Variants in TPPP observed in about 807,000 individuals in gnomAD.
TPPP encodes tubulin polymerization promoting protein, also known as tubulin polymerization-promoting protein.
In TPPP, 6 loss-of-function variants were observed where a neutral mutation model predicts 15.5. The observed-to-expected ratio is 0.39, with a 90% CI of 0.21 to 0.77. TPPP has a LOEUF of 0.77. Among genes scored for constraint, TPPP ranks in the 30% least tolerant of loss-of-function variants. The pLI is 0.42. For synonymous variants in TPPP, 146 were observed against 133.9 expected (o/e 1.09, Z -0.63); for missense variants, 269 against 307.2 (o/e 0.88, Z 0.93).
intron 2 of TPPP, among the ~76,000 whole-genome samples, chr5:669,777 G>A (rs572511592): frequency 1.3e-4 from 20 of 152,186 alleles, no homozygotes; most frequent in Middle Eastern, 3.4e-3. Context: ...CCACACGGGC[G>A]GGGAGCTCTC....
chr5:682,758 G>A (rs1337455935), intron 1 of TPPP, among the ~76,000 whole-genome samples: 1 of 152,204 alleles, frequency 6.6e-6, no homozygotes. Context: ...CCCACGCGGG[G>A]GTGGCGCCGA....
In TPPP at chr5:684,072, C is replaced by T. The variant is rs372920807; in HGVS notation, c.-4-6008G>A. On this transcript the variant is annotated intron_variant, in intron 1 of 3. Transcript: ENST00000360578. ...AAACCCCAGGGCCAGACCCCACTGC[C>T]GGAACAGGACCCTCTCGTGCCTGCA... Among the ~76,000 whole-genome samples the T allele has an allele frequency of 1.0e-3, 157 of 151,462 alleles. 1 individual carries two copies. The highest frequency in any genetic ancestry group is 1.5e-3 in the Non-Finnish European group (100 of 67,900).
intron 1 of TPPP, among the ~76,000 whole-genome samples, chr5:679,428 C>G (rs370748673): frequency 9.3e-6 from 1 of 107,636 alleles, no homozygotes. Flanking sequence ...GAAGGGCCGC[C>G]TGGGGGCAGG....
intron 2 of TPPP, among the ~76,000 whole-genome samples, chr5:671,488 A>G (rs1048331324): frequency 3.9e-5 from 6 of 152,232 alleles, no homozygotes; most frequent in Non-Finnish European, 5.9e-5. Flanking sequence ...TCACCTTCTC[A>G]AATGACCTGT....
Position 679,120 on chromosome 5 carries a change from C to A in TPPP, c.-4-1056G>T, listed in dbSNP as rs576544866. On this transcript the variant is annotated intron_variant, in intron 1 of 3. Coordinates refer to ENST00000360578, the MANE Select transcript of TPPP (RefSeq NM_007030.3). ...ACAGGTAGGTGTCCCAACCCTGGGA[C>A]TCACGAAGCCCTCTCAGATCTGGAG... Among the ~76,000 whole-genome samples the A allele has an allele frequency of 4.6e-5, 7 of 152,344 alleles. No homozygotes were observed. The South Asian group carries it at 1.4e-3, about 32-fold the overall frequency.
At chr5:674,768 G>A (rs188912952) in intron 2 of TPPP, among the ~76,000 whole-genome samples, 85 of 152,004 alleles carry the variant, frequency 5.6e-4, no homozygotes, top group Admixed American at 2.2e-3. Context: ...CCAGGCAGAG[G>A]CTGCAGGTTT....
Position 671,299 on chromosome 5 carries a change from A to G in TPPP, c.312-5176T>C, listed in dbSNP as rs1740214978. On this transcript the variant is annotated intron_variant, in intron 2 of 3. Transcript: ENST00000360578. ...CACCGCCCTGTGGACATCACTAGGAAGAGGTGGCCCTTGGTGGGACGTGGA... is the reference window on the plus strand; with the variant it reads ...CACCGCCCTGTGGACATCACTAGGAGGAGGTGGCCCTTGGTGGGACGTGGA... 2.6e-5 allele frequency among the ~76,000 whole-genome samples: 4 copies of G among 152,220 alleles called. No homozygotes were observed. The South Asian group carries it at 8.3e-4, about 32-fold the overall frequency.
chr5:691,918 GC>G lies in TPPP; in HGVS notation c.-5+1359del, dbSNP rs1187395713. Among the ~76,000 whole-genome samples the G allele has an allele frequency of 4.1e-3, 259 of 63,568 alleles. 5 individuals are homozygous for G. The highest frequency in any genetic ancestry group is 0.029 in the Middle Eastern group (1 of 34). 41.7% of individuals were successfully genotyped at this position (63,568 alleles called of 152,430 possible). A position where few individuals can be genotyped will look rare whatever the true frequency, so the allele number is the denominator to read the frequency against. On this transcript the variant is annotated intron_variant, in intron 1 of 3. Transcript: ENST00000360578. ...CCCCCAAACCCCCATCAAGACAACA[GC>G]CCCCCCAACCCGTATCAAAACAGCA...
chr5:669,780 GAGCTCTCCC>G (rs1306565276), intron 2 of TPPP, among the ~76,000 whole-genome samples: 1 of 152,052 alleles, frequency 6.6e-6, no homozygotes, highest in African/African-American at 2.4e-5. Flanking sequence ...CACGGGCGGG[GAGCTCTCCC>G]CAGGAGACCC....
intron 2 of TPPP, among the ~76,000 whole-genome samples, chr5:674,608 C>T (rs1289204290): frequency 6.6e-6 from 1 of 152,130 alleles, no homozygotes; most frequent in Non-Finnish European, 1.5e-5. Flanking sequence ...TCACTGCTGC[C>T]TGCCCATGGC....
intron 2 of TPPP, among the ~76,000 whole-genome samples, chr5:668,376 G>A (rs186852325): frequency 5.8e-5 from 6 of 103,876 alleles, no homozygotes; most frequent in Admixed American, 9.0e-5. Context: ...AGAGGGGTCC[G>A]CGTGGGCCTC....
chr5:677,968 C>T lies in TPPP; in HGVS notation c.93G>A (p.Leu31=). 6.2e-7 allele frequency: 1 copy of T among 1,611,040 alleles called. No homozygotes were observed. Among genetic ancestry groups the T allele is most frequent in the African/African-American group, 1.3e-5 (1 of 75,000 alleles). The stretch of plus-strand genomic sequence containing the variant: ...CACCAGCACCCTCCGATTCCAGCGA[C>T]AGCCTCTTGGCTGCCCGGTCCTTCG... The part of the protein sequence containing the change: ...DPSKDRAAKR[L]SLESEGAGEG... The change falls in exon 2 of 4, where the codon CTG becomes CTA. Residue 31 remains leucine (L), a synonymous_variant. Transcript: ENST00000360578.
upstream of TPPP, chr5:693,513 G>GA (rs201800484): frequency 0.79 from 119,053 of 150,312 alleles, 47,017 homozygotes; most frequent in African/African-American, 0.94. Flanking sequence ...CCGGCCCGGG[G>GA]ACGCGCGGGC....
chr5:699,684 C>T, the TPPP span, among the ~76,000 whole-genome samples: 2 of 151,604 alleles, frequency 1.3e-5, no homozygotes, highest in African/African-American at 4.8e-5. Flanking sequence ...AGACAACCTG[C>T]AGAATGGGAA....
intron 1 of TPPP, among the ~76,000 whole-genome samples, chr5:683,598 T>TG (rs1740686113): frequency 6.6e-6 from 1 of 152,210 alleles, no homozygotes; most frequent in South Asian, 2.1e-4. Context: ...GACTGCAGGA[T>TG]GCCCCTGGCA....
chr5:665,458 C>G, intron 3 of TPPP, 162 bp from the exon 4 acceptor site: 1 of 700,990 alleles, frequency 1.4e-6, no homozygotes, highest in Non-Finnish European at 2.3e-6. Flanking sequence ...TTTACCTCTC[C>G]TGACCCTGGG....
chr5:673,768 C>T (rs1024254865), intron 2 of TPPP, among the ~76,000 whole-genome samples: 53 of 152,308 alleles, frequency 3.5e-4, no homozygotes, highest in African/African-American at 1.1e-3. Flanking sequence ...GCCCCCCAAG[C>T]GCCTGAGCAG....
At chr5:693,941 C>A (rs1285634825), upstream of TPPP, among the ~76,000 whole-genome samples, 223 of 148,262 alleles carry the variant, frequency 1.5e-3, no homozygotes, top group South Asian at 4.4e-3. Flanking sequence ...GCAGCGCGGC[C>A]GGGGATCGAC....
At chr5:672,686 C>A (rs1740264878) in intron 2 of TPPP, among the ~76,000 whole-genome samples, 1 of 152,214 alleles carries the variant, frequency 6.6e-6, no homozygotes, top group Non-Finnish European at 1.5e-5. Flanking sequence ...CGAGGAGGCG[C>A]TGGGAGATTC....
Sources: allele counts gnomAD v4.1 joint callset (sites outside exome capture counted in the v4.1 genomes callset), GRCh38; gene constraint gnomAD v4.1.1; transcripts MANE v1.5; gene names NCBI Gene and HGNC (gene_info 2026-07-23, HGNC 2026-07-21).